Variants in SAMD12 observed in about 807,000 individuals in gnomAD.
The protein encoded by SAMD12 is sterile alpha motif domain-containing protein 12.
Under a neutral mutation model 15.0 loss-of-function variants are expected in SAMD12, and 9 were observed. That is an observed-to-expected ratio of 0.60 (90% CI 0.36 to 1.05). SAMD12 has a LOEUF of 1.05. Among genes scored for constraint, SAMD12 ranks in the 50% least tolerant of loss-of-function variants. SAMD12 has a pLI of 0.01. For missense variants in SAMD12, 230 were observed against 234.2 expected, an observed-to-expected ratio of 0.98 and a Z score of 0.12; for synonymous variants, 86 against 90.1, an observed-to-expected ratio of 0.96 and a Z score of 0.25.
the SAMD12 span, among the ~76,000 whole-genome samples, chr8:118,144,719 A>T: frequency 1.7e-3 from 252 of 152,304 alleles, 2 homozygotes; most frequent in South Asian, 0.019. Context: ...ATAAGGGAAA[A>T]GAAGGGAAGA....
At chr8:118,243,664 A>G (rs1420680837) in intron 4 of SAMD12, among the ~76,000 whole-genome samples, 1 of 152,154 alleles carries the variant, frequency 6.6e-6, no homozygotes, top group African/African-American at 2.4e-5. Flanking sequence ...ACAACTTCAT[A>G]TAAAATTACT....
chr8:118,292,535 A>G (rs560051154), intron 4 of SAMD12, among the ~76,000 whole-genome samples: 3 of 152,128 alleles, frequency 2.0e-5, no homozygotes, highest in Middle Eastern at 3.4e-3. Context: ...ATTTGACCCA[A>G]CCATCCCATT....
At chr8:118,151,006 C>A in the SAMD12 span, among the ~76,000 whole-genome samples, 1 of 152,152 alleles carries the variant, frequency 6.6e-6, no homozygotes, top group Non-Finnish European at 1.5e-5. Context: ...GGAGTCAAGT[C>A]CAGCCTGTGC....
At chr8:118,551,670 TA>T (rs1413165464) in intron 2 of SAMD12, among the ~76,000 whole-genome samples, 1 of 149,688 alleles carries the variant, frequency 6.7e-6, no homozygotes, top group African/African-American at 2.5e-5. Flanking sequence ...AAGAAATAAC[TA>T]AAATCAGAGC....
chr8:118,556,957 C>A (rs908652965), intron 2 of SAMD12, among the ~76,000 whole-genome samples: 14 of 150,462 alleles, frequency 9.3e-5, no homozygotes, highest in African/African-American at 3.5e-4. Context: ...GTGCGAGACT[C>A]CATCTCAAAA....
intron 4 of SAMD12, among the ~76,000 whole-genome samples, chr8:118,362,313 G>C (rs1196521076): frequency 1.3e-5 from 2 of 152,070 alleles, no homozygotes; most frequent in Admixed American, 1.3e-4. Flanking sequence ...CCAAGTGTTA[G>C]GAGAGAATTA....
At chr8:118,449,628 T>C (rs1297602814) in intron 2 of SAMD12, among the ~76,000 whole-genome samples, 1 of 149,864 alleles carries the variant, frequency 6.7e-6, no homozygotes, top group African/African-American at 2.4e-5. Context: ...TGAAACCCCG[T>C]CTCTACTAAA....
At chr8:118,156,656 A>ATTATATACT in the SAMD12 span, among the ~76,000 whole-genome samples, 6 of 152,200 alleles carry the variant, frequency 3.9e-5, no homozygotes, top group Non-Finnish European at 8.8e-5. Context: ...ACGGGCATCT[A>ATTATATACT]TTATATACTG....
chr8:118,279,157 C>A (rs980313023), intron 4 of SAMD12, among the ~76,000 whole-genome samples: 1 of 152,166 alleles, frequency 6.6e-6, no homozygotes, highest in Non-Finnish European at 1.5e-5. Context: ...GCCTCCGATG[C>A]AAAAACGAAG....
At chr8:118,548,384 TACACACAC>T (rs36228827) in intron 2 of SAMD12, among the ~76,000 whole-genome samples, 7,484 of 139,754 alleles carry the variant, frequency 0.054, 221 homozygotes, top group Middle Eastern at 0.089. Context: ...AAAACACACA[TACACACAC>T]ACACACACAC....
chr8:118,435,591 T>G (rs1024530596), intron 3 of SAMD12, among the ~76,000 whole-genome samples: 2 of 152,182 alleles, frequency 1.3e-5, no homozygotes, highest in Non-Finnish European at 2.9e-5. Flanking sequence ...CACTGATAAG[T>G]TAAAACATGT....
At chr8:118,429,656 A>G (rs4601348) in intron 3 of SAMD12, among the ~76,000 whole-genome samples, 81,617 of 152,000 alleles carry the variant, frequency 0.54, 24,316 homozygotes, top group Non-Finnish European at 0.65. Context: ...CACTTTGGGA[A>G]GCTGAGGTGG....
intron 3 of SAMD12, among the ~76,000 whole-genome samples, chr8:118,398,459 A>G (rs1362650334): frequency 6.6e-6 from 1 of 152,220 alleles, no homozygotes. Flanking sequence ...CATAGATAGC[A>G]AATGACAGAA....
intron 3 of SAMD12, among the ~76,000 whole-genome samples, chr8:118,386,694 T>C (rs1018005825): frequency 6.6e-6 from 1 of 152,234 alleles, no homozygotes; most frequent in African/African-American, 2.4e-5. Flanking sequence ...GTCTAGACCA[T>C]GTCTCCGACT....
At chr8:118,494,348 T>C (rs961894830) in intron 2 of SAMD12, among the ~76,000 whole-genome samples, 26 of 152,214 alleles carry the variant, frequency 1.7e-4, no homozygotes, top group Non-Finnish European at 1.0e-4. Flanking sequence ...TTATCCACTA[T>C]GTGTGTGGCA....
chr8:118,206,306 A>G (rs1308367594), intron 4 of SAMD12, among the ~76,000 whole-genome samples: 1 of 152,248 alleles, frequency 6.6e-6, no homozygotes, highest in Non-Finnish European at 1.5e-5. Flanking sequence ...TTTGTCCTTC[A>G]GACAGAGAAA....
At chr8:118,191,229 T>G (rs1819361530) in exon 5 of SAMD12, 1 of 152,170 alleles carries the variant, frequency 6.6e-6, no homozygotes, top group South Asian at 2.1e-4. Flanking sequence ...AATGTGAGCT[T>G]CTTTTACTAG....
chr8:118,230,673 G>A (rs913709775), intron 4 of SAMD12, among the ~76,000 whole-genome samples: 1 of 151,842 alleles, frequency 6.6e-6, no homozygotes, highest in African/African-American at 2.4e-5. Flanking sequence ...TGGCAACAAG[G>A]AATCAGCCCA....
intron 4 of SAMD12, among the ~76,000 whole-genome samples, chr8:118,212,349 T>C (rs76103314): frequency 2.6e-5 from 4 of 152,248 alleles, no homozygotes; most frequent in Non-Finnish European, 4.4e-5. Context: ...AAAAAGATGC[T>C]GATTAAACTA....
Sources: allele counts gnomAD v4.1 joint callset (sites outside exome capture counted in the v4.1 genomes callset), GRCh38; gene constraint gnomAD v4.1.1; transcripts MANE v1.5; gene names NCBI Gene and HGNC (gene_info 2026-07-23, HGNC 2026-07-21).